The following PLCG2 variants were observed in gnomAD, a reference collection of about 807,000 sequenced individuals.
PLCG2 encodes the protein phospholipase C gamma 2, also known as 1-phosphatidylinositol 4,5-bisphosphate phosphodiesterase gamma-2.
In PLCG2, 69 loss-of-function variants were observed where a neutral mutation model predicts 175.6. The observed-to-expected ratio is 0.39, with a 90% CI of 0.32 to 0.48. The LOEUF (loss-of-function observed/expected upper bound fraction) is 0.48, where lower values mean the gene tolerates loss of function less well. PLCG2 is among the 20% of genes least tolerant of loss of function. The pLI, the probability that PLCG2 is intolerant of heterozygous loss-of-function variation, is 0.91. For missense variants in PLCG2, 1,798 were observed against 1,650.9 expected (o/e 1.09, Z -1.54); for synonymous variants, 827 against 624.0 (o/e 1.33, Z -4.85).
intron 2 of PLCG2, among the ~76,000 whole-genome samples, chr16:81,759,394 C>A (rs577121648): frequency 6.6e-6 from 1 of 152,254 alleles, no homozygotes; most frequent in Admixed American, 6.5e-5. Context: ...TTTTTTATTT[C>A]CCTTTTAAAT....
chr16:81,745,222 A>G (rs1909680609), intron 1 of PLCG2, among the ~76,000 whole-genome samples: 1 of 152,134 alleles, frequency 6.6e-6, no homozygotes, highest in African/African-American at 2.4e-5. Context: ...TGGCATTCCT[A>G]GCCTCCCTCC....
intron 2 of PLCG2, among the ~76,000 whole-genome samples, chr16:81,795,230 A>G (rs1911414215): frequency 2.0e-5 from 3 of 152,178 alleles, no homozygotes; most frequent in Non-Finnish European, 4.4e-5. Flanking sequence ...GATAGACGCT[A>G]GGAAGGAAAG....
intron 2 of PLCG2, among the ~76,000 whole-genome samples, chr16:81,774,038 A>C (rs756460409): frequency 5.3e-5 from 8 of 152,016 alleles, no homozygotes; most frequent in Non-Finnish European, 7.4e-5. Flanking sequence ...AGGTGCTCAA[A>C]GCAAAACCAT....
chr16:81,782,773 G>C (rs1010062833), intron 1 of PLCG2, among the ~76,000 whole-genome samples: 1 of 152,212 alleles, frequency 6.6e-6, no homozygotes, highest in East Asian at 1.9e-4. Flanking sequence ...TTAAAATGGG[G>C]CACAGGCAAA....
intron 2 of PLCG2, among the ~76,000 whole-genome samples, 186 bp downstream of exon 2, chr16:81,786,368 G>A (rs956986893): frequency 6.6e-6 from 1 of 152,172 alleles, no homozygotes; most frequent in Non-Finnish European, 1.5e-5. Context: ...GGTGGAGGAA[G>A]TTCAGCTGGG....
chr16:81,925,153 T>C (rs1361411499), intron 22 of PLCG2, among the ~76,000 whole-genome samples: 1 of 152,218 alleles, frequency 6.6e-6, no homozygotes, highest in Non-Finnish European at 1.5e-5. Context: ...AAGGCTCTTG[T>C]CTTAAGAGAC....
At chr16:81,861,174 T>C (rs1052938914) in intron 5 of PLCG2, among the ~76,000 whole-genome samples, 1 of 152,134 alleles carries the variant, frequency 6.6e-6, no homozygotes, top group African/African-American at 2.4e-5. Context: ...ACCTTATTTT[T>C]TTGGTAAAAT....
At chr16:81,936,124 C>T in intron 26 of PLCG2, 45 bp from the exon 27 acceptor site, 2 of 1,604,880 alleles carry the variant, frequency 1.2e-6, no homozygotes, top group Non-Finnish European at 8.5e-7. Context: ...AGAAAATGCA[C>T]AGATGAGACA....
chr16:81,770,519 C>T lies in PLCG2; in HGVS notation c.-48+14553C>T, dbSNP rs143047029. Among the ~76,000 whole-genome samples the T allele has an allele frequency of 3.0e-4, 46 of 152,230 alleles. 1 individual carries two copies. In the East Asian group the frequency reaches 7.5e-3, roughly 25 times the overall value. On this transcript the variant is annotated intron_variant, in intron 2 of 5. Coordinates refer to the PLCG2 transcript ENST00000565054. ...TTTGAGCTCAGGAGTTCAGGACCAG[C>T]CTGGGTAACACGATGAAACCTTGTC...
At chr16:81,849,701 G>A (rs866951497) in intron 2 of PLCG2, among the ~76,000 whole-genome samples, 62 of 150,516 alleles carry the variant, frequency 4.1e-4, no homozygotes, top group South Asian at 4.2e-4. Context: ...AACCCAGGAG[G>A]CGGAGGTTGC....
chr16:81,946,390 C>T (rs1911151065), intron 31 of PLCG2, 127 bp downstream of exon 31: 4 of 690,556 alleles, frequency 5.8e-6, no homozygotes, highest in African/African-American at 1.8e-5. Flanking sequence ...AAGCATGAGA[C>T]ATCATACAAG....
At chr16:81,781,811 C>G (rs1162333892) in intron 1 of PLCG2, among the ~76,000 whole-genome samples, 1 of 152,026 alleles carries the variant, frequency 6.6e-6, no homozygotes, top group African/African-American at 2.4e-5. Flanking sequence ...ACTGAAGAGA[C>G]AAAAACTTCC....
At chr16:81,754,055 A>G (rs1373321945) in intron 1 of PLCG2, among the ~76,000 whole-genome samples, 3 of 152,080 alleles carry the variant, frequency 2.0e-5, no homozygotes. Flanking sequence ...TTCTAGGAGG[A>G]AAGTCCAGGC....
chr16:81,768,464 A>T (rs1421347451), intron 2 of PLCG2, among the ~76,000 whole-genome samples: 3 of 151,716 alleles, frequency 2.0e-5, no homozygotes, highest in African/African-American at 7.3e-5. Context: ...TTTTAAAGAA[A>T]CTGCCCAGCT....
At chr16:81,946,476 T>G (rs912348863) in intron 31 of PLCG2, among the ~76,000 whole-genome samples, 1 of 152,142 alleles carries the variant, frequency 6.6e-6, no homozygotes, top group African/African-American at 2.4e-5. Context: ...GAATGCTGTG[T>G]GATTCTGTGT....
chr16:81,931,512 G>C lies in PLCG2; in HGVS notation c.2597G>C (p.Gly866Ala). The change falls in exon 25 of 33, where the codon GGA becomes GCA. Residue 866 changes from glycine (G) to alanine (A), a missense_variant. Coordinates refer to ENST00000564138, the MANE Select transcript of PLCG2 (RefSeq NM_002661.5). Reference sequence around the variant, plus strand: ...TTACCCCAAGTGAAAGCCCCTCAGGGAAAAAACCAGAAGTCCTTTGTCTTC... The same window carrying C: ...TTACCCCAAGTGAAAGCCCCTCAGGCAAAAAACCAGAAGTCCTTTGTCTTC... ...NTYNVVKAPQ[G>A]KNQKSFVFIL... The C allele has an allele frequency of 6.2e-7, 1 of 1,614,018 alleles. No individual in the cohort carries two copies.
At chr16:81,839,032 G>C (rs1462125381) in intron 2 of PLCG2, among the ~76,000 whole-genome samples, 1 of 151,992 alleles carries the variant, frequency 6.6e-6, no homozygotes. Flanking sequence ...CAAGCCGAGG[G>C]TTTTGCTTCC....
At chr16:81,839,629 G>A (rs1355562508) in intron 2 of PLCG2, among the ~76,000 whole-genome samples, 2 of 152,138 alleles carry the variant, frequency 1.3e-5, no homozygotes, top group Admixed American at 1.3e-4. Flanking sequence ...GTTTAGAGGT[G>A]CCAGGTATGT....
At chr16:81,896,059 G>A (rs1908872053) in intron 13 of PLCG2, 132 bp downstream of exon 13, 2 of 1,161,484 alleles carry the variant, frequency 1.7e-6, no homozygotes, top group East Asian at 2.4e-5. Flanking sequence ...CCCCATCTTG[G>A]CCAAAGCCAC....
Sources: allele counts gnomAD v4.1 joint callset (sites outside exome capture counted in the v4.1 genomes callset), GRCh38; gene constraint gnomAD v4.1.1; transcripts MANE v1.5; gene names NCBI Gene and HGNC (gene_info 2026-07-23, HGNC 2026-07-21).